The following NFIB variants were observed in gnomAD, a reference collection of about 807,000 sequenced individuals.
NFIB encodes nuclear factor I B.
A neutral mutation model predicts 61.5 loss-of-function variants in NFIB; 11 were observed. That is an observed-to-expected ratio of 0.18 (90% CI 0.11 to 0.30). The LOEUF is 0.30. Among genes scored for constraint, NFIB ranks in the 10% least tolerant of loss-of-function variants. The probability of loss-of-function intolerance (pLI) is 1.00; values close to 1 mark genes in which losing one functional copy is unlikely to be tolerated. For missense variants in NFIB, 471 were observed against 608.9 expected, an observed-to-expected ratio of 0.77 and a Z score of 2.38; for synonymous variants, 260 against 216.5, an observed-to-expected ratio of 1.20 and a Z score of -1.76.
the NFIB span, among the ~76,000 whole-genome samples, chr9:14,442,250 A>G: frequency 8.5e-5 from 13 of 152,064 alleles, no homozygotes; most frequent in Non-Finnish European, 1.9e-4. Context: ...ATTTTCTGAT[A>G]TTCTCCCCAC....
the NFIB span, among the ~76,000 whole-genome samples, chr9:14,530,455 C>G: frequency 6.6e-6 from 1 of 151,472 alleles, no homozygotes; most frequent in Admixed American, 6.6e-5. Flanking sequence ...CCTTGAGGAA[C>G]TGGCCTTTCT....
At chr9:14,409,190 G>A in the NFIB span, among the ~76,000 whole-genome samples, 1 of 152,084 alleles carries the variant, frequency 6.6e-6, no homozygotes, top group Non-Finnish European at 1.5e-5. Context: ...CAAATAACTA[G>A]GAAGTGATGA....
chr9:14,457,805 A>G, the NFIB span, among the ~76,000 whole-genome samples: 2 of 152,232 alleles, frequency 1.3e-5, no homozygotes, highest in Non-Finnish European at 1.5e-5. Flanking sequence ...CACCCTCCCA[A>G]GACTAAACCA....
At chr9:14,500,223 C>T in the NFIB span, among the ~76,000 whole-genome samples, 7 of 152,286 alleles carry the variant, frequency 4.6e-5, no homozygotes, top group African/African-American at 1.7e-4. Context: ...GTCAGTAGGG[C>T]AGCGAGGATT....
the NFIB span, among the ~76,000 whole-genome samples, chr9:14,410,985 C>T: frequency 6.6e-6 from 1 of 152,056 alleles, no homozygotes; most frequent in South Asian, 2.1e-4. Flanking sequence ...TATATTTTCC[C>T]TTGGAAGAAA....
At position 14,086,772 on chromosome 9, in the gene NFIB, A is replaced by AT. The variant is rs1004550770; in HGVS notation, c.*1536dup. ...AAGTGTAGTGATGTCACTTTGTTGT[A>AT]TTTTTTTGTTTTTTTTTTTTTGTTT... On this transcript the variant is annotated 3_prime_UTR_variant, in exon 11 of 11. Transcript: ENST00000380953. 6.5e-5 allele frequency: 13 copies of AT among 200,914 alleles called. No homozygotes were observed. Among genetic ancestry groups the AT allele is most frequent in the African/African-American group, 1.9e-4 (8 of 42,678 alleles). 12.4% of individuals were successfully genotyped at this position (200,914 alleles called of 1,614,324 possible).
chr9:14,461,285 G>A, the NFIB span, among the ~76,000 whole-genome samples: 19 of 152,184 alleles, frequency 1.2e-4, no homozygotes, highest in Non-Finnish European at 2.2e-4. Context: ...GAATCAATCC[G>A]TTGAAGAAAT....
the NFIB span, among the ~76,000 whole-genome samples, chr9:14,407,428 G>C: frequency 8.5e-5 from 13 of 152,252 alleles, no homozygotes; most frequent in Admixed American, 8.5e-4. Context: ...GAGACAAGGA[G>C]AGAAAGTCTG....
chr9:14,204,326 G>C, intron 2 of NFIB: 1 of 739,868 alleles, frequency 1.4e-6, no homozygotes. Flanking sequence ...GGCCAAGAAA[G>C]TGGTCAACCC....
At chr9:14,504,308 TG>T in the NFIB span, among the ~76,000 whole-genome samples, 2 of 152,186 alleles carry the variant, frequency 1.3e-5, no homozygotes. Context: ...TTGGCTATGC[TG>T]GCTCTTTTTT....
At chr9:14,479,314 A>C in the NFIB span, among the ~76,000 whole-genome samples, 1 of 152,168 alleles carries the variant, frequency 6.6e-6, no homozygotes, top group South Asian at 2.1e-4. Context: ...TTTATATGGG[A>C]AACACCCTCA....
intron 2 of NFIB, among the ~76,000 whole-genome samples, chr9:14,212,809 C>T (rs1007614722): frequency 2.0e-5 from 3 of 152,162 alleles, no homozygotes; most frequent in Non-Finnish European, 2.9e-5. Context: ...AGCCACCTTA[C>T]GCTAACAACT....
the NFIB span, among the ~76,000 whole-genome samples, chr9:14,420,333 C>A: frequency 6.7e-6 from 1 of 149,176 alleles, no homozygotes; most frequent in Non-Finnish European, 1.5e-5. Context: ...GCAATCCCAG[C>A]TTCTTGGGAG....
intron 2 of NFIB, among the ~76,000 whole-genome samples, chr9:14,188,241 T>G (rs1353773697): frequency 6.6e-6 from 1 of 152,222 alleles, no homozygotes; most frequent in Non-Finnish European, 1.5e-5. Context: ...TTTAAATTAA[T>G]TAACTGACTC....
At chr9:14,416,226 A>C in the NFIB span, among the ~76,000 whole-genome samples, 1 of 152,224 alleles carries the variant, frequency 6.6e-6, no homozygotes, top group South Asian at 2.1e-4. Flanking sequence ...GAGCTGAAAA[A>C]GTCCTATCAC....
chr9:14,220,849 A>ACCCCCCCC (rs1241339280), intron 2 of NFIB, among the ~76,000 whole-genome samples: 2 of 106,468 alleles, frequency 1.9e-5, no homozygotes, highest in East Asian at 6.1e-4. Context: ...CCCTACACAC[A>ACCCCCCCC]CACACACACA....
intron 2 of NFIB, 69 bp from the exon 3 acceptor site, chr9:14,179,849 A>C (rs569459387): frequency 1.3e-6 from 2 of 1,505,976 alleles, no homozygotes; most frequent in South Asian, 2.4e-5. Context: ...TCCTCAAAGG[A>C]CTCGAAAAAA....
At chr9:14,279,291 T>TA (rs1177527249) in intron 2 of NFIB, among the ~76,000 whole-genome samples, 8 of 152,282 alleles carry the variant, frequency 5.3e-5, no homozygotes, top group African/African-American at 1.9e-4. Flanking sequence ...TTACATCTAC[T>TA]AATCACTATG....
chr9:14,471,693 T>C, the NFIB span, among the ~76,000 whole-genome samples: 28 of 152,226 alleles, frequency 1.8e-4, no homozygotes, highest in Non-Finnish European at 3.7e-4. Context: ...TAAGTCACCA[T>C]CTATTCTCTG....
Sources: gnomAD v4.1 joint callset for allele counts (sites outside exome capture counted in the v4.1 genomes callset) on GRCh38, gnomAD v4.1.1 for gene constraint, MANE v1.5 for transcripts, NCBI Gene and HGNC (gene_info 2026-07-23, HGNC 2026-07-21) for gene names.